Variants in SRGAP2 observed in about 807,000 individuals in gnomAD.
SRGAP2 encodes the protein SLIT-ROBO Rho GTPase-activating protein 2.
SRGAP2 carries 15 observed loss-of-function variants against 57.2 expected under a neutral mutation model. That is an observed-to-expected ratio of 0.26 (90% CI 0.18 to 0.40). The LOEUF (loss-of-function observed/expected upper bound fraction) is 0.40. Among genes scored for constraint, SRGAP2 ranks in the 10% least tolerant of loss-of-function variants. The pLI is 1.00. For missense variants in SRGAP2, 520 were observed against 669.6 expected (o/e 0.78, Z 2.47); for synonymous variants, 249 against 248.0 (o/e 1.00, Z -0.04).
chr1:206,231,639 A>G (rs1341152434), intron 2 of SRGAP2, among the ~76,000 whole-genome samples: 11 of 147,970 alleles, frequency 7.4e-5, no homozygotes, highest in African/African-American at 2.8e-4. Context: ...CCAGGTTCAA[A>G]TGATTTTTGT....
chr1:206,425,681 C>T (rs1397050387), intron 13 of SRGAP2, among the ~76,000 whole-genome samples: 9 of 149,688 alleles, frequency 6.0e-5, no homozygotes, highest in Non-Finnish European at 1.0e-4. Context: ...ATTACAGGCG[C>T]GCACCACAAC....
intron 5 of SRGAP2, among the ~76,000 whole-genome samples, chr1:206,391,619 A>ACACACG (rs1656969191): frequency 7.4e-6 from 1 of 134,378 alleles, no homozygotes; most frequent in African/African-American, 3.2e-5. Flanking sequence ...ACACATGCAC[A>ACACACG]CACACACACA....
At chr1:206,381,024 TG>T (rs1655655949) in intron 4 of SRGAP2, among the ~76,000 whole-genome samples, 1 of 152,132 alleles carries the variant, frequency 6.6e-6, no homozygotes. Context: ...ACATTTTAAG[TG>T]GGCTCGCTAC....
At chr1:206,430,850 C>T (rs1300355852) in intron 14 of SRGAP2, among the ~76,000 whole-genome samples, 1 of 152,196 alleles carries the variant, frequency 6.6e-6, no homozygotes, top group Non-Finnish European at 1.5e-5. Flanking sequence ...AGCTACTGGT[C>T]TCATTGGACA....
At chr1:206,422,668 C>T (rs1184225653) in intron 13 of SRGAP2, among the ~76,000 whole-genome samples, 2 of 152,154 alleles carry the variant, frequency 1.3e-5, no homozygotes, top group Non-Finnish European at 2.9e-5. Flanking sequence ...GTTTGCAGCT[C>T]CACTGTGGCT....
intron 2 of SRGAP2, among the ~76,000 whole-genome samples, chr1:206,230,629 ATTTT>A (rs782803531): frequency 5.6e-5 from 8 of 143,966 alleles, no homozygotes; most frequent in South Asian, 2.2e-4. Context: ...ATGGAGCTGT[ATTTT>A]TTTTTTTTTT....
At chr1:206,341,097 C>T (rs1553335072) in intron 3 of SRGAP2, among the ~76,000 whole-genome samples, 1 of 152,152 alleles carries the variant, frequency 6.6e-6, no homozygotes, top group Non-Finnish European at 1.5e-5. Flanking sequence ...TTTGATTTGT[C>T]TGATGTATTC....
At chr1:206,423,381 G>A (rs1365733827) in intron 13 of SRGAP2, among the ~76,000 whole-genome samples, 2 of 152,012 alleles carry the variant, frequency 1.3e-5, no homozygotes, top group Non-Finnish European at 1.5e-5. Flanking sequence ...GCATTCTTTT[G>A]TTCTATAATG....
At chr1:206,394,038 CTTTTTTTTTTTTTT>C (rs577375533) in intron 7 of SRGAP2, among the ~76,000 whole-genome samples, 4 of 49,904 alleles carry the variant, frequency 8.0e-5, no homozygotes, top group East Asian at 9.8e-4. Flanking sequence ...TACTTTCTTC[CTTTTTTTTTTTTTT>C]TTTTTTTTTT....
chr1:206,242,081 G>T (rs561506617), intron 2 of SRGAP2, among the ~76,000 whole-genome samples: 1,595 of 150,190 alleles, frequency 0.011, 30 homozygotes, highest in African/African-American at 0.035. Flanking sequence ...GGCTTTTTTT[G>T]AACTCATAAA....
chr1:206,460,745 T>C (rs1664190781), intron 22 of SRGAP2, among the ~76,000 whole-genome samples: 1 of 152,150 alleles, frequency 6.6e-6, no homozygotes, highest in South Asian at 2.1e-4. Flanking sequence ...CACTAGATTA[T>C]ATGTCACTTC....
At chr1:206,229,802 C>T (rs1553306445) in intron 2 of SRGAP2, among the ~76,000 whole-genome samples, 3 of 151,634 alleles carry the variant, frequency 2.0e-5, no homozygotes, top group Admixed American at 6.6e-5. Context: ...TCTCTAGGGG[C>T]AGGAATTAAG....
At chr1:206,303,884 TCTCTCACACACACACA>T (rs1399185849) in intron 3 of SRGAP2, among the ~76,000 whole-genome samples, 12 of 142,512 alleles carry the variant, frequency 8.4e-5, no homozygotes, top group African/African-American at 3.0e-4. Flanking sequence ...TCTCTCTCTC[TCTCTCACACACACACA>T]CACACACACA....
At chr1:206,397,790 C>A (rs1175945803) in intron 7 of SRGAP2, among the ~76,000 whole-genome samples, 1 of 134,628 alleles carries the variant, frequency 7.4e-6, no homozygotes, top group Non-Finnish European at 1.5e-5. Context: ...TCATGCATAG[C>A]TGGAGTGTTG....
intron 2 of SRGAP2, among the ~76,000 whole-genome samples, chr1:206,243,621 A>G (rs1314510361): frequency 1.3e-5 from 2 of 152,144 alleles, no homozygotes; most frequent in Non-Finnish European, 2.9e-5. Context: ...TCTCAGACTG[A>G]GATGGAGGAG....
At chr1:206,413,299 CAATGGATATTTCCTG>C (rs1659378440) in intron 10 of SRGAP2, among the ~76,000 whole-genome samples, 1 of 152,106 alleles carries the variant, frequency 6.6e-6, no homozygotes, top group African/African-American at 2.4e-5. Context: ...GCATTGTTGG[CAATGGATATTTCCTG>C]AAGGCTTTCC....
At position 206,310,085 on chromosome 1, in the gene SRGAP2, A is replaced by G. The variant is rs566712532; in HGVS notation, c.260+6612A>G. Among the ~76,000 whole-genome samples the G allele has an allele frequency of 2.8e-3, 430 of 151,796 alleles. 5 individuals carry two copies. Among genetic ancestry groups the G allele is most frequent in the African/African-American group, 9.9e-3 (408 of 41,114 alleles). On this transcript the variant is annotated intron_variant, in intron 3 of 22. Transcript: ENST00000573034. Reference sequence around the variant, plus strand: ...ATTGATACTCTCTCATGTATAAGGTATTGTGAGAGATGCAAAGATGACTAA... The same window carrying G: ...ATTGATACTCTCTCATGTATAAGGTGTTGTGAGAGATGCAAAGATGACTAA...
intron 2 of SRGAP2, among the ~76,000 whole-genome samples, chr1:206,216,378 A>G (rs1403501137): frequency 1.3e-5 from 2 of 152,194 alleles, no homozygotes; most frequent in African/African-American, 4.8e-5. Context: ...GCAAAAACAC[A>G]TTCTACGTTT....
At chr1:206,419,030 T>C (rs1405053012) in intron 11 of SRGAP2, among the ~76,000 whole-genome samples, 3 of 151,932 alleles carry the variant, frequency 2.0e-5, no homozygotes, top group Admixed American at 1.3e-4. Context: ...GGGCTTCTAA[T>C]AATTTATTCT....
Sources: allele counts gnomAD v4.1 joint callset (sites outside exome capture counted in the v4.1 genomes callset), GRCh38; gene constraint gnomAD v4.1.1; transcripts MANE v1.5; gene names NCBI Gene and HGNC (gene_info 2026-07-23, HGNC 2026-07-21).